The following RASEF variants were observed in gnomAD, a reference collection of about 807,000 sequenced individuals.
RASEF encodes ras and EF-hand domain-containing protein.
Under a neutral mutation model 90.1 loss-of-function variants are expected in RASEF, and 68 were observed. The observed-to-expected ratio is 0.75, with a 90% confidence interval of 0.62 to 0.92. The LOEUF (loss-of-function observed/expected upper bound fraction) is 0.92, where lower values mean the gene tolerates loss of function less well. Ranked by LOEUF, RASEF falls within the 40% of genes least tolerant of loss-of-function variation. RASEF has a pLI of 0.00. For missense variants in RASEF, 949 were observed against 937.2 expected (o/e 1.01, Z -0.16); for synonymous variants, 331 against 345.2 (o/e 0.96, Z 0.46).
chr9:83,005,490 G>T lies in RASEF; in HGVS notation c.1039C>A (p.Arg347=). 1 of 1,613,446 alleles carries T rather than the reference G, an allele frequency of 6.2e-7. No homozygotes were observed. The highest frequency in any genetic ancestry group is 1.1e-5 in the South Asian group (1 of 91,066). ...RQIEILQTAN[R]KLHDSNDGLR... ...CCATCATTACTGTCATGTAGCTTCC[G>T]GTTAGCTGTTCTGCAGGGTAAAGAA... is the stretch of plus-strand genomic sequence containing the variant. Residue 347 remains arginine (R), a synonymous_variant, in exon 8 of 17, where the codon CGG becomes AGG. Transcript: ENST00000376447.
the RASEF span, among the ~76,000 whole-genome samples, chr9:83,149,468 C>T: frequency 6.6e-6 from 1 of 152,114 alleles, no homozygotes; most frequent in Non-Finnish European, 1.5e-5. Context: ...GAGCATGGCA[C>T]CCATGGAGAC....
the RASEF span, among the ~76,000 whole-genome samples, chr9:83,135,543 G>T: frequency 6.6e-6 from 1 of 151,836 alleles, no homozygotes; most frequent in East Asian, 1.9e-4. Context: ...ACTTTAAAAG[G>T]GTGAGTTTTA....
the RASEF span, among the ~76,000 whole-genome samples, chr9:83,096,537 G>C: frequency 6.6e-6 from 1 of 152,108 alleles, no homozygotes; most frequent in Non-Finnish European, 1.5e-5. Context: ...GACAGGAGCT[G>C]AGGACCAGGT....
intron 1 of RASEF, among the ~76,000 whole-genome samples, chr9:83,044,173 T>C (rs568976540): frequency 1.3e-5 from 2 of 152,296 alleles, no homozygotes; most frequent in East Asian, 1.9e-4. Flanking sequence ...TTTGGACTTC[T>C]TGGCACAATG....
the RASEF span, among the ~76,000 whole-genome samples, chr9:83,198,522 A>G: frequency 6.6e-6 from 1 of 152,274 alleles, no homozygotes; most frequent in South Asian, 2.1e-4. Flanking sequence ...CCATTTTGTT[A>G]ACTCACTGGA....
At chr9:83,139,985 C>G in the RASEF span, among the ~76,000 whole-genome samples, 2 of 152,118 alleles carry the variant, frequency 1.3e-5, no homozygotes, top group African/African-American at 4.8e-5. Context: ...CAATGATGTT[C>G]TTAATGACTG....
the RASEF span, among the ~76,000 whole-genome samples, chr9:83,136,743 C>T: frequency 2.0e-5 from 3 of 152,154 alleles, no homozygotes; most frequent in African/African-American, 4.8e-5. Context: ...ATTTGTATTA[C>T]ATATCTATTA....
intron 14 of RASEF, among the ~76,000 whole-genome samples, chr9:82,995,059 A>G (rs1313423394): frequency 1.3e-5 from 2 of 152,154 alleles, no homozygotes; most frequent in Admixed American, 1.3e-4. Flanking sequence ...GTAGTATGTA[A>G]TTTTTCATCC....
chr9:83,021,501 C>T (rs1372847633), intron 3 of RASEF, among the ~76,000 whole-genome samples: 2 of 152,206 alleles, frequency 1.3e-5, no homozygotes, highest in African/African-American at 4.8e-5. Context: ...CAATGGAAAT[C>T]ACTGAAGGTA....
the RASEF span, among the ~76,000 whole-genome samples, chr9:83,077,486 C>T: frequency 6.6e-6 from 1 of 152,114 alleles, no homozygotes; most frequent in Non-Finnish European, 1.5e-5. Flanking sequence ...CACAAACTCT[C>T]CCCTCCCCTA....
At chr9:83,026,416 G>T (rs62561900) in intron 1 of RASEF, among the ~76,000 whole-genome samples, 4,457 of 152,198 alleles carry the variant, frequency 0.029, 59 homozygotes, top group Middle Eastern at 0.071. Flanking sequence ...TGACTGGGAG[G>T]CCTCAGGAAA....
chr9:83,161,011 G>A, the RASEF span, among the ~76,000 whole-genome samples: 1 of 152,194 alleles, frequency 6.6e-6, no homozygotes, highest in South Asian at 2.1e-4. Context: ...GGACTTGCCT[G>A]AATGCACAGG....
At chr9:83,144,382 A>AGGAAC in the RASEF span, among the ~76,000 whole-genome samples, 1 of 57,146 alleles carries the variant, frequency 1.7e-5, no homozygotes, top group Non-Finnish European at 3.2e-5. Flanking sequence ...AAAGAAAGAA[A>AGGAAC]GAAAGAAAGG....
the RASEF span, among the ~76,000 whole-genome samples, chr9:83,089,827 G>A: frequency 2.6e-5 from 4 of 151,628 alleles, no homozygotes; most frequent in East Asian, 1.9e-4. Context: ...GGGACATTTC[G>A]GCCACTATTT....
chr9:82,999,290 G>T (rs577105216), intron 12 of RASEF, among the ~76,000 whole-genome samples: 1 of 152,136 alleles, frequency 6.6e-6, no homozygotes, highest in African/African-American at 2.4e-5. Flanking sequence ...ATCTGGCTAT[G>T]ATTTTGACCA....
At chr9:82,988,991 A>G (rs1035470341) in intron 16 of RASEF, among the ~76,000 whole-genome samples, 1 of 152,136 alleles carries the variant, frequency 6.6e-6, no homozygotes, top group Non-Finnish European at 1.5e-5. Flanking sequence ...TCCTGGACTG[A>G]TGTCAAAGAG....
At chr9:83,152,159 G>A in the RASEF span, among the ~76,000 whole-genome samples, 1 of 152,124 alleles carries the variant, frequency 6.6e-6, no homozygotes, top group Non-Finnish European at 1.5e-5. Context: ...AATTGTAAGA[G>A]GATAAAATCA....
chr9:83,022,803 G>C (rs76471621), intron 2 of RASEF, among the ~76,000 whole-genome samples: 4,508 of 152,220 alleles, frequency 0.03, 206 homozygotes, highest in African/African-American at 0.1. Context: ...AACCTGAACA[G>C]CATGGGACTG....
At chr9:83,049,602 CAT>C (rs1385646089) in intron 1 of RASEF, among the ~76,000 whole-genome samples, 1 of 128,724 alleles carries the variant, frequency 7.8e-6, no homozygotes, top group Non-Finnish European at 1.5e-5. Context: ...AGGTTAGTTA[CAT>C]ATGTATACAT....
Sources: gnomAD v4.1 joint callset for allele counts (sites outside exome capture counted in the v4.1 genomes callset) on GRCh38, gnomAD v4.1.1 for gene constraint, MANE v1.5 for transcripts, NCBI Gene and HGNC (gene_info 2026-07-23, HGNC 2026-07-21) for gene names.